The following CPE variants were observed in gnomAD, a reference collection of about 807,000 sequenced individuals.
The protein encoded by CPE is carbocypeptidase E.
Under a neutral mutation model 53.5 loss-of-function variants are expected in CPE, and 17 were observed. The ratio of observed to expected loss-of-function variants is 0.32; its 90% CI spans 0.22 to 0.48. The LOEUF (loss-of-function observed/expected upper bound fraction) is 0.48, where lower values mean the gene tolerates loss of function less well. CPE is among the 20% of genes least tolerant of loss of function. The pLI is 0.99. For missense variants in CPE, 524 were observed against 614.7 expected (o/e 0.85, Z 1.56); for synonymous variants, 226 against 228.8 (o/e 0.99, Z 0.11).
chr4:165,400,346 T>A (rs1388956092), intron 1 of CPE, among the ~76,000 whole-genome samples: 3 of 152,054 alleles, frequency 2.0e-5, no homozygotes, highest in Non-Finnish European at 4.4e-5. Context: ...GGAGAGAAAG[T>A]GTATCAGGCA....
intron 1 of CPE, among the ~76,000 whole-genome samples, chr4:165,403,669 C>CT (rs368667229): frequency 0.045 from 5,938 of 132,436 alleles, 123 homozygotes; most frequent in Middle Eastern, 0.072. Context: ...TAATTTCATT[C>CT]TTTTTTTTTT....
intron 1 of CPE, among the ~76,000 whole-genome samples, chr4:165,453,974 G>T (rs555916850): frequency 9.6e-6 from 1 of 104,588 alleles, no homozygotes; most frequent in African/African-American, 4.0e-5. Flanking sequence ...ACAAAAGCTA[G>T]AATTTTTTTT....
intron 1 of CPE, among the ~76,000 whole-genome samples, chr4:165,461,188 G>GAA (rs1553976642): frequency 0.043 from 3,512 of 80,916 alleles, 389 homozygotes; most frequent in African/African-American, 0.17. Context: ...AAAAAAAAAA[G>GAA]AAAGAAAGAA....
chr4:165,484,105 T>G (rs921926425), intron 4 of CPE, among the ~76,000 whole-genome samples: 3 of 152,158 alleles, frequency 2.0e-5, no homozygotes, highest in Non-Finnish European at 4.4e-5. Flanking sequence ...AATTAAAGAT[T>G]TAATGATAAA....
At chr4:165,460,589 C>A (rs527716834) in intron 1 of CPE, among the ~76,000 whole-genome samples, 1 of 152,234 alleles carries the variant, frequency 6.6e-6, no homozygotes, top group South Asian at 2.1e-4. Context: ...CCTCAAGCCC[C>A]CTTCAGTTAC....
intron 1 of CPE, among the ~76,000 whole-genome samples, chr4:165,431,860 C>T (rs1201890019): frequency 1.3e-5 from 2 of 152,018 alleles, no homozygotes; most frequent in African/African-American, 4.8e-5. Context: ...ATATTAAAGG[C>T]TTTACAGAAT....
intron 1 of CPE, among the ~76,000 whole-genome samples, chr4:165,446,738 G>T (rs904379776): frequency 1.3e-5 from 2 of 152,174 alleles, no homozygotes; most frequent in Non-Finnish European, 2.9e-5. Context: ...ATTACGAAGG[G>T]GGGTGTGAAT....
chr4:165,472,956 T>G (rs1560892520), intron 3 of CPE, among the ~76,000 whole-genome samples: 4 of 105,974 alleles, frequency 3.8e-5, no homozygotes, highest in East Asian at 6.1e-4. Flanking sequence ...GTTTGCAGCT[T>G]AGGACACTAG....
chr4:165,397,501 CCT>C (rs1730787620), intron 1 of CPE, among the ~76,000 whole-genome samples: 1 of 152,166 alleles, frequency 6.6e-6, no homozygotes, highest in Admixed American at 6.5e-5. Context: ...GATATTAGCT[CCT>C]CTCTTCCCTT....
intron 1 of CPE, among the ~76,000 whole-genome samples, chr4:165,436,300 T>C (rs1483429275): frequency 6.6e-6 from 1 of 152,134 alleles, no homozygotes; most frequent in Non-Finnish European, 1.5e-5. Flanking sequence ...ACCCACTTAG[T>C]GAGTCATGAC....
chr4:165,482,630 G>C (rs750875502), intron 4 of CPE, among the ~76,000 whole-genome samples: 1 of 152,168 alleles, frequency 6.6e-6, no homozygotes. Context: ...GAAAACACAC[G>C]TCATAAACTT....
At chr4:165,414,626 T>C (rs927252433) in intron 1 of CPE, among the ~76,000 whole-genome samples, 1 of 152,052 alleles carries the variant, frequency 6.6e-6, no homozygotes, top group Admixed American at 6.6e-5. Flanking sequence ...TCTGCAAAAT[T>C]TGACTTAAGA....
chr4:165,424,375 C>T (rs967125283), intron 1 of CPE, among the ~76,000 whole-genome samples: 1 of 147,314 alleles, frequency 6.8e-6, no homozygotes, highest in Non-Finnish European at 1.5e-5. Flanking sequence ...ATGTCTTAGG[C>T]TTTTTTCTTT....
chr4:165,480,166 C>T (rs551872952), intron 3 of CPE, among the ~76,000 whole-genome samples: 4 of 152,138 alleles, frequency 2.6e-5, no homozygotes, highest in Non-Finnish European at 5.9e-5. Context: ...AAGTGACACA[C>T]TTTAAAACAC....
intron 5 of CPE, among the ~76,000 whole-genome samples, chr4:165,486,164 G>A (rs1286370176): frequency 6.6e-6 from 1 of 151,914 alleles, no homozygotes; most frequent in East Asian, 1.9e-4. Context: ...TCCCAAGCCA[G>A]GTGGGAGATT....
intron 1 of CPE, among the ~76,000 whole-genome samples, chr4:165,395,347 A>C (rs930832762): frequency 6.6e-6 from 1 of 152,182 alleles, no homozygotes; most frequent in Admixed American, 6.6e-5. Flanking sequence ...TGACCTGTGC[A>C]TAGAGCTAAC....
chr4:165,493,133 G>C lies in CPE; in HGVS notation c.1114-38G>C, dbSNP rs764830554. 70 of 1,296,392 alleles carry C rather than the reference G, an allele frequency of 5.4e-5. 2 individuals are homozygous for C. The Middle Eastern group carries it at 1.1e-3, about 20-fold the overall frequency. 80.3% of individuals were successfully genotyped at this position (1,296,392 alleles called of 1,614,324 possible). On this transcript the variant is annotated intron_variant, in intron 6 of 8. Transcript: ENST00000402744. ...TTAAGGCCATTTCTATAAATTTATA[G>C]GTCATATTAATTTTTTGGTTATTTT... is the stretch of plus-strand genomic sequence containing the variant.
At position 165,401,353 on chromosome 4, in the gene CPE, A is replaced by G. The variant is rs1022857252; in HGVS notation, c.307+21825A>G. ...TCCCCAGTGAGCTTTGGATTTGCAC[A>G]TCCACCTGCCTAGTACACTTTTACT... On this transcript the variant is annotated intron_variant, in intron 1 of 8. Transcript: ENST00000402744. Among the ~76,000 whole-genome samples, 9 of 152,238 alleles carry G rather than the reference A, an allele frequency of 5.9e-5. 1 individual carries two copies. The South Asian group carries it at 6.2e-4, about 10-fold the overall frequency.
chr4:165,431,501 C>T (rs1213524319), intron 1 of CPE, among the ~76,000 whole-genome samples: 1 of 152,170 alleles, frequency 6.6e-6, no homozygotes, highest in African/African-American at 2.4e-5. Flanking sequence ...CTTTATATAG[C>T]TCTCTAGGAA....
Sources: allele counts gnomAD v4.1 joint callset (sites outside exome capture counted in the v4.1 genomes callset), GRCh38; gene constraint gnomAD v4.1.1; transcripts MANE v1.5; gene names NCBI Gene and HGNC (gene_info 2026-07-23, HGNC 2026-07-21).